Variants in ELFN1 observed in about 807,000 individuals in gnomAD.
ELFN1 encodes the protein protein ELFN1.
A neutral mutation model predicts 7.6 loss-of-function variants in ELFN1; 6 were observed. That is an observed-to-expected ratio of 0.79 (90% CI 0.43 to 1.56). The LOEUF (loss-of-function observed/expected upper bound fraction) is 1.56, where lower values mean the gene tolerates loss of function less well. Among genes scored for constraint, ELFN1 ranks in the 40% most tolerant of loss-of-function variants. The pLI is 0.01. For synonymous variants in ELFN1, 657 were observed against 588.1 expected (o/e 1.12, Z -1.70); for missense variants, 1,169 against 1,232.2 (o/e 0.95, Z 0.77).
intron 3 of ELFN1, among the ~76,000 whole-genome samples, chr7:1,720,301 C>T (rs1055129247): frequency 3.3e-5 from 5 of 152,184 alleles, no homozygotes; most frequent in Admixed American, 2.0e-4. Context: ...GGTGGGCAGA[C>T]GTCTCCACAG....
chr7:1,724,552 T>C lies in ELFN1; in HGVS notation c.-294+15300T>C, dbSNP rs564349737. Among the ~76,000 whole-genome samples, 5 of 152,208 alleles carry C rather than the reference T, an allele frequency of 3.3e-5. 1 individual carries two copies. The highest frequency in any genetic ancestry group is 9.6e-5 in the African/African-American group (4 of 41,536). ...CTGGCCCTCCTGCAAACTCTCAAAT[T>C]TCGCCCAAACTGCTGCTCCCAGGTA... is the stretch of plus-strand genomic sequence containing the variant. On this transcript the variant is annotated intron_variant, in intron 3 of 3. Coordinates refer to ENST00000424383, the MANE Select transcript of ELFN1 (RefSeq NM_001128636.4).
intron 3 of ELFN1, among the ~76,000 whole-genome samples, chr7:1,710,652 C>T (rs1391154413): frequency 6.6e-6 from 1 of 152,176 alleles, no homozygotes; most frequent in African/African-American, 2.4e-5. Flanking sequence ...CAGATCGGGG[C>T]CATAGGTCTC....
intron 1 of ELFN1, among the ~76,000 whole-genome samples, chr7:1,675,315 C>T (rs1284602166): frequency 1.3e-5 from 2 of 152,212 alleles, no homozygotes; most frequent in African/African-American, 2.4e-5. Flanking sequence ...GGCCAGGTGG[C>T]GGCCGAGGGC....
intron 3 of ELFN1, among the ~76,000 whole-genome samples, chr7:1,720,949 G>A (rs955317869): frequency 9.9e-5 from 15 of 152,080 alleles, no homozygotes; most frequent in African/African-American, 3.1e-4. Context: ...CCTTACCAAC[G>A]TGTCCCTTGC....
At chr7:1,707,987 G>C (rs567937007) in intron 2 of ELFN1, among the ~76,000 whole-genome samples, 1 of 152,144 alleles carries the variant, frequency 6.6e-6, no homozygotes, top group Non-Finnish European at 1.5e-5. Context: ...CCAGGGGCGC[G>C]GATGCGGCAG....
At position 1,744,276 on chromosome 7, in the gene ELFN1, GACCGCTGTCTTCTCTCTTGT is replaced by G; in HGVS notation, c.-293-27_-293-8del. ...ACCGCTGTCTTCTCTCTTGTCCCCT[GACCGCTGTCTTCTCTCTTGT>G]CTTGCAGCAGGAACGTCGGAGCAGG... On this transcript the variant is annotated splice_region_variant and splice_polypyrimidine_tract_variant and intron_variant, in intron 3 of 3. Coordinates refer to ENST00000424383, the MANE Select transcript of ELFN1 (RefSeq NM_001128636.4). 1 of 228,706 alleles carries G rather than the reference GACCGCTGTCTTCTCTCTTGT, an allele frequency of 4.4e-6. No homozygotes were observed. The highest frequency in any genetic ancestry group is 7.6e-6 in the Non-Finnish European group (1 of 131,050). 14.2% of individuals were successfully genotyped at this position (228,706 alleles called of 1,614,324 possible).
chr7:1,688,247 G>T (rs1779094964), intron 2 of ELFN1, 97 bp downstream of exon 2: 1 of 151,878 alleles, frequency 6.6e-6, no homozygotes, highest in African/African-American at 2.4e-5. Flanking sequence ...TTAATTTTTT[G>T]ATTACATATG....
chr7:1,702,882 C>T (rs1779457506), intron 2 of ELFN1, among the ~76,000 whole-genome samples: 1 of 151,086 alleles, frequency 6.6e-6, no homozygotes, highest in African/African-American at 2.5e-5. Context: ...AGCAAGTATC[C>T]TTGTGTTGCT....
intron 1 of ELFN1, among the ~76,000 whole-genome samples, chr7:1,676,627 C>T (rs1420935042): frequency 6.6e-6 from 1 of 152,228 alleles, no homozygotes; most frequent in East Asian, 1.9e-4. Flanking sequence ...GGATGGGGCG[C>T]AGGTTCGGTC....
At chr7:1,666,251 G>A (rs903426739), upstream of ELFN1, among the ~76,000 whole-genome samples, 1 of 151,814 alleles carries the variant, frequency 6.6e-6, no homozygotes, top group South Asian at 2.1e-4. The surrounding 1 kb of genome is among the most constrained non-coding windows in gnomAD (Gnocchi z 7.9). Flanking sequence ...GAGGGTCCCC[G>A]CCCCTAGGGG....
At chr7:1,736,529 T>C (rs2128600954) in intron 3 of ELFN1, among the ~76,000 whole-genome samples, 1 of 152,376 alleles carries the variant, frequency 6.6e-6, no homozygotes, top group South Asian at 2.1e-4. Context: ...TCATTAGTGA[T>C]GACACAGGCC....
chr7:1,712,817 C>T (rs960947772), intron 3 of ELFN1, among the ~76,000 whole-genome samples: 4 of 152,216 alleles, frequency 2.6e-5, no homozygotes, highest in Admixed American at 6.5e-5. Context: ...CTACCTCTGG[C>T]GTCCCTCTTT....
upstream of ELFN1, among the ~76,000 whole-genome samples, chr7:1,667,127 G>GC (rs796999662): frequency 0.013 from 1,999 of 148,274 alleles, 37 homozygotes; most frequent in African/African-American, 0.045. The surrounding 1 kb of genome is among the most constrained non-coding windows in gnomAD (Gnocchi z 8.2). Flanking sequence ...CGGGGTGTCG[G>GC]CCCCCCCCCG....
intron 2 of ELFN1, chr7:1,693,115 G>A: frequency 2.9e-6 from 1 of 342,912 alleles, no homozygotes; most frequent in Non-Finnish European, 5.8e-6. Context: ...CTCCTTAAGG[G>A]GTGCAGGCCC....
chr7:1,682,586 G>A (rs942529476), intron 1 of ELFN1, among the ~76,000 whole-genome samples: 12 of 150,972 alleles, frequency 7.9e-5, no homozygotes, highest in Non-Finnish European at 1.5e-4. Flanking sequence ...GACTACAGGC[G>A]TGTGCCATCA....
chr7:1,675,523 C>T (rs1238994728), intron 1 of ELFN1, among the ~76,000 whole-genome samples: 1 of 152,242 alleles, frequency 6.6e-6, no homozygotes, highest in Non-Finnish European at 1.5e-5. Context: ...TCAGGCACCT[C>T]TTAGTCATTA....
At chr7:1,715,695 A>G (rs1051499521) in intron 3 of ELFN1, among the ~76,000 whole-genome samples, 2 of 152,098 alleles carry the variant, frequency 1.3e-5, no homozygotes, top group African/African-American at 4.8e-5. Context: ...TGTAATTTAC[A>G]TCCTGTGACT....
chr7:1,738,254 C>G (rs1199195763), intron 3 of ELFN1, among the ~76,000 whole-genome samples: 1 of 152,166 alleles, frequency 6.6e-6, no homozygotes, highest in African/African-American at 2.4e-5. Flanking sequence ...AGGCCTCTCT[C>G]CATCTGGGTG....
chr7:1,667,034 C>T (rs1562351722), upstream of ELFN1, among the ~76,000 whole-genome samples: 1 of 151,384 alleles, frequency 6.6e-6, no homozygotes, highest in South Asian at 2.1e-4. This position sits in a 1 kb window ranked among gnomAD's most constrained non-coding sequence, Gnocchi z 8.2. Flanking sequence ...GGGCCCAGAG[C>T]GGACCCCCAG....
Sources: allele counts gnomAD v4.1 joint callset (sites outside exome capture counted in the v4.1 genomes callset), GRCh38; gene constraint gnomAD v4.1.1; non-coding constraint Gnocchi (gnomAD v3.1); transcripts MANE v1.5; gene names NCBI Gene and HGNC (gene_info 2026-07-23, HGNC 2026-07-21).